The following ADCY2 variants were observed in gnomAD, a reference collection of about 807,000 sequenced individuals.
The protein encoded by ADCY2 is adenylate cyclase 2, also known as adenylate cyclase type 2.
A neutral mutation model predicts 125.2 loss-of-function variants in ADCY2; 31 were observed. The ratio of observed to expected loss-of-function variants is 0.25; its 90% CI spans 0.19 to 0.33. The LOEUF is 0.33. ADCY2 is among the 10% of genes least tolerant of loss of function. The pLI is 1.00. For synonymous variants in ADCY2, 512 were observed against 548.4 expected, an observed-to-expected ratio of 0.93 and a Z score of 0.93; for missense variants, 904 against 1,418.2, an observed-to-expected ratio of 0.64 and a Z score of 5.82.
chr5:7,804,697 G>C lies in ADCY2; in HGVS notation c.2883+5G>C. 1.9e-6 allele frequency: 3 copies of C among 1,612,558 alleles called. No homozygotes were observed. Among genetic ancestry groups the C allele is most frequent in the Non-Finnish European group, 2.5e-6 (3 of 1,178,594 alleles). On this transcript the variant is annotated splice_donor_5th_base_variant and intron_variant, in intron 22 of 24. Coordinates refer to ENST00000338316, the MANE Select transcript of ADCY2 (RefSeq NM_020546.3). ...CCCAGCCAGGAGCACTCCCAGGTAA[G>C]ACGCGTTGGCCACTTAACGGCACAG...
At chr5:7,514,394 T>C (rs559545742) in intron 2 of ADCY2, among the ~76,000 whole-genome samples, 2 of 152,334 alleles carry the variant, frequency 1.3e-5, no homozygotes, top group African/African-American at 4.8e-5. Context: ...TCAAATTAGT[T>C]TGGATTTATA....
chr5:7,559,492 A>G (rs1735638521), intron 3 of ADCY2, among the ~76,000 whole-genome samples: 1 of 152,156 alleles, frequency 6.6e-6, no homozygotes, highest in Admixed American at 6.5e-5. Flanking sequence ...TTGTTGGTGT[A>G]TAGGAATGCT....
At chr5:7,804,833 G>A (rs1744707607) in intron 22 of ADCY2, 141 bp downstream of exon 22, 4 of 636,078 alleles carry the variant, frequency 6.3e-6, no homozygotes, top group Non-Finnish European at 1.1e-5. Flanking sequence ...TCCTATGAGA[G>A]AAGATGAAAA....
chr5:7,827,776 G>A lies in ADCY2; in HGVS notation c.*905G>A, dbSNP rs1454484880. The stretch of plus-strand genomic sequence containing the variant: ...ATCTAGTGGTCTGATTTTAATTTGG[G>A]CATCTCTAGAGAACGCTTTCAGGGA... On this transcript the variant is annotated 3_prime_UTR_variant, in exon 25 of 25. Transcript: ENST00000338316. The A allele has an allele frequency of 1.3e-5, 2 of 152,320 alleles. No individual in the cohort carries two copies. The highest frequency in any genetic ancestry group is 6.5e-5 in the Admixed American group (1 of 15,282). 9.4% of individuals were successfully genotyped at this position (152,320 alleles called of 1,614,324 possible).
chr5:7,613,977 G>T (rs1737664068), intron 3 of ADCY2, among the ~76,000 whole-genome samples: 1 of 152,194 alleles, frequency 6.6e-6, no homozygotes, highest in Non-Finnish European at 1.5e-5. Flanking sequence ...AGACAGAAGA[G>T]AACTCAAGGA....
chr5:7,500,781 G>A (rs1333355281), intron 2 of ADCY2, among the ~76,000 whole-genome samples: 1 of 149,764 alleles, frequency 6.7e-6, no homozygotes, highest in Admixed American at 6.6e-5. Flanking sequence ...TCTTAGCTGT[G>A]GCCCTAGAAA....
At position 7,419,674 on chromosome 5, in the gene ADCY2, A is replaced by G. The variant is rs536893574; in HGVS notation, c.408+4904A>G. Among the ~76,000 whole-genome samples, 15 of 152,230 alleles carry G rather than the reference A, an allele frequency of 9.9e-5. No individual in the cohort carries two copies. The South Asian group carries it at 2.9e-3, about 29-fold the overall frequency. The stretch of plus-strand genomic sequence containing the variant: ...GTCCTGGGGTCTAAGCCCCCAGATA[A>G]ATAAACACACTCTTCTCGGGCAGGA... On this transcript the variant is annotated intron_variant, in intron 2 of 24. Coordinates refer to ENST00000338316, the MANE Select transcript of ADCY2 (RefSeq NM_020546.3).
At chr5:7,486,270 A>T (rs1387977411) in intron 2 of ADCY2, among the ~76,000 whole-genome samples, 1 of 152,240 alleles carries the variant, frequency 6.6e-6, no homozygotes, top group East Asian at 1.9e-4. Flanking sequence ...ACAGTTGTGA[A>T]TGGGCACACA....
intron 18 of ADCY2, among the ~76,000 whole-genome samples, chr5:7,784,052 C>T (rs1014657467): frequency 1.3e-5 from 2 of 152,156 alleles, no homozygotes; most frequent in Admixed American, 6.5e-5. Context: ...AAGAAACCAT[C>T]GATCCAATTA....
Position 7,766,900 on chromosome 5 carries a change from C to CCTG in ADCY2, c.2214+94_2214+95insCTG. The CCTG allele has an allele frequency of 4.2e-6, 6 of 1,428,728 alleles. No individual in the cohort carries two copies. The South Asian group carries it at 6.5e-5, about 16-fold the overall frequency. The allele number at this position is 1,428,728 out of a possible 1,614,324, so 88.5% of individuals were successfully genotyped here. A position where few individuals can be genotyped will look rare whatever the true frequency, so the allele number is the denominator to read the frequency against. On this transcript the variant is annotated intron_variant, in intron 17 of 24. Transcript: ENST00000338316. ...CCTTTAGTCTCAGATCTGTTCTAGA[C>CCTG]TTTGCATTTCCTCTCTGGTATCAAT...
At chr5:7,672,747 T>C (rs149490810) in intron 4 of ADCY2, among the ~76,000 whole-genome samples, 17 of 152,346 alleles carry the variant, frequency 1.1e-4, no homozygotes, top group African/African-American at 3.4e-4. Flanking sequence ...TCAAGTTTTA[T>C]TGGAACACAG....
At chr5:7,518,398 T>C (rs1744325713) in intron 2 of ADCY2, among the ~76,000 whole-genome samples, 1 of 152,194 alleles carries the variant, frequency 6.6e-6, no homozygotes. Flanking sequence ...CTTTGCATTT[T>C]TATACATAAA....
intron 2 of ADCY2, among the ~76,000 whole-genome samples, chr5:7,418,719 G>A (rs1429120749): frequency 7.2e-6 from 1 of 138,488 alleles, no homozygotes. Context: ...GCAGTCGTGC[G>A]ATCTCGGCTC....
intron 3 of ADCY2, among the ~76,000 whole-genome samples, chr5:7,609,146 A>G (rs1349953278): frequency 6.6e-6 from 1 of 152,190 alleles, no homozygotes; most frequent in Non-Finnish European, 1.5e-5. Flanking sequence ...TTCAGGTCCA[A>G]ATTCTTCATG....
intron 2 of ADCY2, among the ~76,000 whole-genome samples, chr5:7,477,949 C>T (rs572209255): frequency 1.3e-5 from 2 of 152,270 alleles, no homozygotes; most frequent in South Asian, 4.1e-4. Context: ...AACCTAGGGG[C>T]ATTTACTTCA....
intron 4 of ADCY2, among the ~76,000 whole-genome samples, chr5:7,661,734 A>T (rs140628380): frequency 1.7e-3 from 258 of 152,318 alleles, no homozygotes; most frequent in African/African-American, 5.9e-3. Context: ...CAGTTCTTGA[A>T]ATTCAACCAA....
chr5:7,473,088 C>T (rs894356192), intron 2 of ADCY2, among the ~76,000 whole-genome samples: 1 of 152,008 alleles, frequency 6.6e-6, no homozygotes, highest in Non-Finnish European at 1.5e-5. Context: ...TGCACCTCCC[C>T]CAGCATAAGG....
intron 2 of ADCY2, among the ~76,000 whole-genome samples, chr5:7,474,985 G>C (rs764427930): frequency 6.6e-6 from 1 of 152,190 alleles, no homozygotes; most frequent in African/African-American, 2.4e-5. Context: ...GGCCACAAGC[G>C]TCCAGAGCGC....
chr5:7,535,969 T>C (rs1579548045), intron 3 of ADCY2, among the ~76,000 whole-genome samples: 1 of 152,188 alleles, frequency 6.6e-6, no homozygotes, highest in Admixed American at 6.5e-5. Context: ...CCTATTAATA[T>C]GGAATAAAAG....
Sources: allele counts gnomAD v4.1 joint callset (sites outside exome capture counted in the v4.1 genomes callset), GRCh38; gene constraint gnomAD v4.1.1; transcripts MANE v1.5; gene names NCBI Gene and HGNC (gene_info 2026-07-23, HGNC 2026-07-21).